The following DLG2 variants were observed in gnomAD, a reference collection of about 807,000 sequenced individuals.
The protein encoded by DLG2 is disks large homolog 2.
Under a neutral mutation model 132.5 loss-of-function variants are expected in DLG2, and 45 were observed. The ratio of observed to expected loss-of-function variants is 0.34; its 90% confidence interval spans 0.27 to 0.44. The LOEUF is 0.44. Ranked by LOEUF, DLG2 falls within the 20% of genes least tolerant of loss-of-function variation. The pLI, the probability that DLG2 is intolerant of heterozygous loss-of-function variation, is 1.00. For missense variants in DLG2, 1,045 were observed against 1,196.9 expected (o/e 0.87, Z 1.87); for synonymous variants, 424 against 419.6 (o/e 1.01, Z -0.13).
intron 7 of DLG2, among the ~76,000 whole-genome samples, chr11:84,265,723 A>C (rs1024063045): frequency 9.2e-5 from 14 of 152,160 alleles, no homozygotes; most frequent in Admixed American, 9.2e-4. Context: ...AGGTAGTCTT[A>C]GCAGCAGCAG....
intron 7 of DLG2, among the ~76,000 whole-genome samples, chr11:84,340,662 C>T (rs1012862284): frequency 3.9e-5 from 6 of 152,258 alleles, no homozygotes; most frequent in African/African-American, 1.4e-4. Flanking sequence ...AGGACTGAAA[C>T]AGGTATCTCC....
chr11:84,198,091 A>G (rs1161279693), intron 8 of DLG2, among the ~76,000 whole-genome samples: 1 of 152,172 alleles, frequency 6.6e-6, no homozygotes, highest in Non-Finnish European at 1.5e-5. Flanking sequence ...CAACTTCTGT[A>G]TAAATACAGG....
At chr11:84,223,862 A>G (rs1176566680) in intron 8 of DLG2, among the ~76,000 whole-genome samples, 1 of 152,098 alleles carries the variant, frequency 6.6e-6, no homozygotes, top group Non-Finnish European at 1.5e-5. Context: ...GGCAAAAATT[A>G]TGCACCTTTT....
chr11:84,874,014 A>C (rs1204623373), intron 6 of DLG2, among the ~76,000 whole-genome samples: 1 of 152,228 alleles, frequency 6.6e-6, no homozygotes, highest in Admixed American at 6.5e-5. Flanking sequence ...ACAAGGAAAA[A>C]CACAGAGATT....
At chr11:83,730,565 G>A (rs1428808267) in intron 18 of DLG2, among the ~76,000 whole-genome samples, 3 of 152,076 alleles carry the variant, frequency 2.0e-5, no homozygotes, top group Non-Finnish European at 4.4e-5. Flanking sequence ...TTCTACCAGG[G>A]AGAGCAAAGG....
intron 9 of DLG2, among the ~76,000 whole-genome samples, chr11:84,118,048 G>C (rs2093721137): frequency 6.6e-6 from 1 of 151,924 alleles, no homozygotes; most frequent in African/African-American, 2.4e-5. Flanking sequence ...GTAGAGACGG[G>C]GTTTCACCAT....
intron 19 of DLG2, among the ~76,000 whole-genome samples, chr11:83,609,925 G>A (rs1159013185): frequency 6.6e-6 from 1 of 152,186 alleles, no homozygotes; most frequent in East Asian, 1.9e-4. Flanking sequence ...AGGACATGTG[G>A]TCAAGTTTTA....
intron 9 of DLG2, among the ~76,000 whole-genome samples, chr11:84,141,769 C>A (rs1024909909): frequency 4.6e-5 from 7 of 151,896 alleles, no homozygotes; most frequent in Non-Finnish European, 8.8e-5. Flanking sequence ...TTTTATTGAG[C>A]CATATTTTAG....
intron 3 of DLG2, among the ~76,000 whole-genome samples, chr11:85,349,701 G>A (rs766408900): frequency 6.6e-6 from 1 of 152,040 alleles, no homozygotes; most frequent in African/African-American, 2.4e-5. Flanking sequence ...TGGGAATGAT[G>A]GTTTCCAGCT....
intron 6 of DLG2, among the ~76,000 whole-genome samples, chr11:84,588,623 C>T (rs1297017769): frequency 6.6e-6 from 1 of 152,042 alleles, no homozygotes; most frequent in Non-Finnish European, 1.5e-5. Context: ...ACCTGCTGCG[C>T]TGCATTCCCA....
chr11:83,959,778 G>T (rs2087994471), intron 14 of DLG2, among the ~76,000 whole-genome samples: 1 of 151,912 alleles, frequency 6.6e-6, no homozygotes, highest in Non-Finnish European at 1.5e-5. Context: ...TTCAAATTTT[G>T]ATTCTATTTG....
chr11:85,143,036 G>A (rs552267708), intron 5 of DLG2, among the ~76,000 whole-genome samples: 13 of 151,672 alleles, frequency 8.6e-5, no homozygotes, highest in African/African-American at 2.2e-4. Flanking sequence ...GTCTTTCTCC[G>A]GTTTTGGCAT....
intron 6 of DLG2, among the ~76,000 whole-genome samples, chr11:84,898,927 G>A (rs956987891): frequency 2.0e-5 from 3 of 151,936 alleles, no homozygotes; most frequent in African/African-American, 4.8e-5. Context: ...TCATTCATAT[G>A]CCTACCTCTA....
chr11:84,530,927 A>G, intron 7 of DLG2, among the ~76,000 whole-genome samples: 1 of 152,120 alleles, frequency 6.6e-6, no homozygotes, highest in Non-Finnish European at 1.5e-5. Context: ...TATACACTAC[A>G]AAATACTGCA....
intron 11 of DLG2, among the ~76,000 whole-genome samples, chr11:84,019,692 A>G (rs140137730): frequency 3.3e-5 from 5 of 152,174 alleles, no homozygotes; most frequent in Non-Finnish European, 4.4e-5. Context: ...GGACACAGAA[A>G]CAGACATGCA....
chr11:85,146,756 A>C (rs1318438803), intron 5 of DLG2, among the ~76,000 whole-genome samples: 1 of 152,204 alleles, frequency 6.6e-6, no homozygotes, highest in African/African-American at 2.4e-5. Flanking sequence ...ATGTACCCCA[A>C]GTCCACTGGC....
chr11:85,407,663 CCA>C (rs2088887281), intron 3 of DLG2, among the ~76,000 whole-genome samples: 1 of 151,772 alleles, frequency 6.6e-6, no homozygotes, highest in Admixed American at 6.6e-5. Flanking sequence ...GAGTATGTTA[CCA>C]CACCAACTAC....
rs557527027 is a variant in DLG2, at chr11:83,627,332, A to G, written c.1940+5879T>C. ...GTTAACTCGTCATTTAGCATTAGGT[A>G]TATCTCCTAATGCTATCCCTCCCCT... On this transcript the variant is annotated intron_variant, in intron 19 of 27. Transcript: ENST00000376104. Among the ~76,000 whole-genome samples the G allele has an allele frequency of 5.9e-5, 9 of 152,018 alleles. No homozygotes were observed. The South Asian group carries it at 6.2e-4, about 11-fold the overall frequency.
At chr11:84,228,528 G>A (rs2097042481) in intron 8 of DLG2, among the ~76,000 whole-genome samples, 2 of 152,168 alleles carry the variant, frequency 1.3e-5, no homozygotes, top group Non-Finnish European at 2.9e-5. Flanking sequence ...GTTTGGTGAA[G>A]TGATCCTAAG....
Sources: gnomAD v4.1 joint callset for allele counts (sites outside exome capture counted in the v4.1 genomes callset) on GRCh38, gnomAD v4.1.1 for gene constraint, MANE v1.5 for transcripts, NCBI Gene and HGNC (gene_info 2026-07-23, HGNC 2026-07-21) for gene names.